Variants in TENM3 observed in about 807,000 individuals in gnomAD.
The protein encoded by TENM3 is teneurin transmembrane protein 3.
A neutral mutation model predicts 255.1 loss-of-function variants in TENM3; 63 were observed. The observed-to-expected ratio is 0.25, with a 90% CI of 0.20 to 0.30. TENM3 has a LOEUF of 0.30. TENM3 is among the 10% of genes least tolerant of loss of function. The probability of loss-of-function intolerance (pLI) is 1.00; values close to 1 mark genes in which losing one functional copy is unlikely to be tolerated. For synonymous variants in TENM3, 1,306 were observed against 1,322.3 expected, an observed-to-expected ratio of 0.99 and a Z score of 0.27; for missense variants, 2,929 against 3,461.1, an observed-to-expected ratio of 0.85 and a Z score of 3.86.
At chr4:182,692,117 C>T (rs1415249110) in intron 12 of TENM3, among the ~76,000 whole-genome samples, 10 of 152,150 alleles carry the variant, frequency 6.6e-5, no homozygotes, top group African/African-American at 2.4e-4. Context: ...TGTAAAAAAG[C>T]TTCAACAGTT....
the TENM3 span, among the ~76,000 whole-genome samples, chr4:181,952,748 G>A: frequency 6.6e-6 from 1 of 152,210 alleles, no homozygotes; most frequent in Non-Finnish European, 1.5e-5. Flanking sequence ...ATTTCCTTAG[G>A]GAAGGGCCTC....
chr4:182,045,819 T>G, the TENM3 span, among the ~76,000 whole-genome samples: 1 of 152,040 alleles, frequency 6.6e-6, no homozygotes, highest in Non-Finnish European at 1.5e-5. Flanking sequence ...GAAGCATAGG[T>G]GAGACAATCG....
At chr4:181,583,588 A>G in the TENM3 span, among the ~76,000 whole-genome samples, 1 of 152,202 alleles carries the variant, frequency 6.6e-6, no homozygotes, top group African/African-American at 2.4e-5. Context: ...AGTCACTGTG[A>G]TAAGTACTTC....
chr4:182,153,125 A>G lies in TENM3; in HGVS notation c.-76+8371A>G, dbSNP rs546384351. On this transcript the variant is annotated intron_variant, in intron 1 of 2. Transcript: ENST00000512480. Reference sequence around the variant, plus strand: ...TTTAGAACCCATAAATAAAGAATTAAAAAATATTAGTAATCAAAACATACA... The same window carrying G: ...TTTAGAACCCATAAATAAAGAATTAGAAAATATTAGTAATCAAAACATACA... Among the ~76,000 whole-genome samples the G allele has an allele frequency of 1.6e-3, 242 of 152,136 alleles. 1 individual carries two copies. The highest frequency in any genetic ancestry group is 5.4e-3 in the African/African-American group (225 of 41,560).
intron 5 of TENM3, among the ~76,000 whole-genome samples, chr4:182,631,107 A>G (rs576127518): frequency 1.3e-5 from 2 of 152,198 alleles, no homozygotes; most frequent in East Asian, 3.9e-4. Context: ...CTTTTTAGTA[A>G]TTACCAATCT....
chr4:181,991,395 A>T, the TENM3 span, among the ~76,000 whole-genome samples: 1 of 152,172 alleles, frequency 6.6e-6, no homozygotes, highest in Non-Finnish European at 1.5e-5. Context: ...TGGGCAGAGC[A>T]GTGGAAATAA....
chr4:182,438,217 T>G (rs1235378022), intron 3 of TENM3, among the ~76,000 whole-genome samples: 1 of 152,222 alleles, frequency 6.6e-6, no homozygotes, highest in Non-Finnish European at 1.5e-5. Context: ...CTGTGATGTT[T>G]CTTTGCTCCT....
chr4:181,880,983 T>C, the TENM3 span, among the ~76,000 whole-genome samples: 1 of 152,184 alleles, frequency 6.6e-6, no homozygotes, highest in Non-Finnish European at 1.5e-5. Context: ...CATTCTGTTA[T>C]TTGACCCAAG....
intron 13 of TENM3, among the ~76,000 whole-genome samples, chr4:182,716,364 C>G (rs1267855953): frequency 6.6e-6 from 1 of 152,118 alleles, no homozygotes; most frequent in Non-Finnish European, 1.5e-5. Context: ...CAAAATTTAT[C>G]AACTGTGAAT....
intron 3 of TENM3, among the ~76,000 whole-genome samples, chr4:182,522,947 C>T (rs112570174): frequency 1.3e-5 from 2 of 152,168 alleles, no homozygotes; most frequent in African/African-American, 4.8e-5. Context: ...CCTTCGCATC[C>T]TCACCAGAAT....
chr4:181,769,357 C>T, the TENM3 span, among the ~76,000 whole-genome samples: 1 of 152,180 alleles, frequency 6.6e-6, no homozygotes, highest in African/African-American at 2.4e-5. Flanking sequence ...TAGAATGACA[C>T]AGCCTGGGTT....
the TENM3 span, among the ~76,000 whole-genome samples, chr4:181,523,722 G>A: frequency 6.6e-6 from 1 of 152,164 alleles, no homozygotes; most frequent in Non-Finnish European, 1.5e-5. Context: ...CTCTAACCAA[G>A]AGGAGAGTAT....
At chr4:182,025,689 T>C in the TENM3 span, among the ~76,000 whole-genome samples, 1 of 152,202 alleles carries the variant, frequency 6.6e-6, no homozygotes, top group Non-Finnish European at 1.5e-5. Context: ...GTATTTGTTA[T>C]TGCCTGTCTT....
chr4:181,539,338 G>T, the TENM3 span, among the ~76,000 whole-genome samples: 2 of 152,072 alleles, frequency 1.3e-5, no homozygotes, highest in African/African-American at 4.8e-5. Context: ...ACTTGATATG[G>T]TTAAAATATG....
intron 6 of TENM3, among the ~76,000 whole-genome samples, chr4:182,670,078 G>A (rs998102544): frequency 1.1e-4 from 17 of 152,040 alleles, no homozygotes; most frequent in African/African-American, 3.9e-4. Context: ...AAAGCAAGAC[G>A]TCTGTTTAGC....
intron 2 of TENM3, among the ~76,000 whole-genome samples, chr4:182,327,302 T>C (rs1015740162): frequency 1.1e-4 from 17 of 152,292 alleles, no homozygotes; most frequent in African/African-American, 4.1e-4. Context: ...CAAAGAGTCA[T>C]GCTAATTTAG....
At chr4:182,431,210 G>C (rs75005546) in intron 3 of TENM3, among the ~76,000 whole-genome samples, 2 of 151,076 alleles carry the variant, frequency 1.3e-5, no homozygotes, top group Non-Finnish European at 3.0e-5. Flanking sequence ...GAAAAGGAGG[G>C]ATGAGGCCGG....
In TENM3 at chr4:182,653,763, AC is replaced by A; in HGVS notation, c.989-3del. 6.2e-7 allele frequency: 1 copy of A among 1,603,188 alleles called. No homozygotes were observed. The highest frequency in any genetic ancestry group is 8.5e-7 in the Non-Finnish European group (1 of 1,174,784). ...GATCTTTAAACAACTTGTGTTCTTT[AC>A]CCCCAGCAATGCATCTCTTTGGCCT... is the stretch of plus-strand genomic sequence containing the variant. On this transcript the variant is annotated splice_region_variant and splice_polypyrimidine_tract_variant and intron_variant, in intron 5 of 27. Coordinates refer to ENST00000511685, the MANE Select transcript of TENM3 (RefSeq NM_001080477.4).
the TENM3 span, among the ~76,000 whole-genome samples, chr4:181,866,193 T>C: frequency 1.3e-5 from 2 of 152,308 alleles, no homozygotes; most frequent in African/African-American, 4.8e-5. Context: ...CTCCATAAAT[T>C]AACGTGCTAT....
Sources: gnomAD v4.1 joint callset for allele counts (sites outside exome capture counted in the v4.1 genomes callset) on GRCh38, gnomAD v4.1.1 for gene constraint, MANE v1.5 for transcripts, NCBI Gene and HGNC (gene_info 2026-07-23, HGNC 2026-07-21) for gene names.